Variants in GFI1B observed in about 807,000 individuals in gnomAD.
GFI1B encodes the protein growth factor independent 1B transcriptional repressor, also known as zinc finger protein Gfi-1b.
In GFI1B, 20 loss-of-function variants were observed where a neutral mutation model predicts 35.3. The observed-to-expected ratio is 0.57, with a 90% CI of 0.40 to 0.82. The LOEUF is 0.82. GFI1B is among the 40% of genes least tolerant of loss of function. GFI1B has a pLI of 0.00. For missense variants in GFI1B, 430 were observed against 446.3 expected, an observed-to-expected ratio of 0.96 and a Z score of 0.33; for synonymous variants, 178 against 177.6, an observed-to-expected ratio of 1.00 and a Z score of -0.02.
upstream of GFI1B, among the ~76,000 whole-genome samples, chr9:132,974,596 C>T (rs1434880417): frequency 1.1e-5 from 1 of 88,192 alleles, no homozygotes; most frequent in African/African-American, 5.3e-5. Context: ...AGCCAGAATC[C>T]GTCTCAAAAA....
chr9:132,986,280 C>A (rs942461552), intron 1 of GFI1B, among the ~76,000 whole-genome samples: 1 of 147,822 alleles, frequency 6.8e-6, no homozygotes, highest in African/African-American at 2.7e-5. Flanking sequence ...ATAGAAGCTC[C>A]GAGTTCTGGC....
intron 1 of GFI1B, among the ~76,000 whole-genome samples, chr9:132,979,300 A>C (rs1394080040): frequency 7.5e-6 from 1 of 133,394 alleles, no homozygotes; most frequent in African/African-American, 2.8e-5. Flanking sequence ...TCTGGAGCGC[A>C]GTGGTGCGAT....
At chr9:132,967,528 C>A (rs1848467124) in intron 1 of GFI1B, among the ~76,000 whole-genome samples, 1 of 152,098 alleles carries the variant, frequency 6.6e-6, no homozygotes, top group South Asian at 2.1e-4. Flanking sequence ...GATCCTGATT[C>A]TAAAAGAGGA....
At chr9:132,967,630 A>G (rs1450474805) in intron 1 of GFI1B, among the ~76,000 whole-genome samples, 1 of 152,248 alleles carries the variant, frequency 6.6e-6, no homozygotes, top group Non-Finnish European at 1.5e-5. Flanking sequence ...TTTCTTAGGT[A>G]CGATAATGAC....
At chr9:132,981,149 G>A (rs1433960123) in intron 1 of GFI1B, among the ~76,000 whole-genome samples, 1 of 152,110 alleles carries the variant, frequency 6.6e-6, no homozygotes, top group Non-Finnish European at 1.5e-5. Flanking sequence ...TGCCCACCTC[G>A]GCCTCCCACA....
chr9:132,971,220 G>C (rs890323619), intron 1 of GFI1B, among the ~76,000 whole-genome samples: 1 of 152,180 alleles, frequency 6.6e-6, no homozygotes, highest in African/African-American at 2.4e-5. Flanking sequence ...GGGCCCATGG[G>C]TTTGACACCC....
chr9:132,978,041 C>T (rs1024841858), upstream of GFI1B, among the ~76,000 whole-genome samples: 10 of 141,030 alleles, frequency 7.1e-5, no homozygotes, highest in East Asian at 7.4e-4. Flanking sequence ...GTGGCCGGCT[C>T]GGGTACTAGG....
At position 132,988,188 on chromosome 9, in the gene GFI1B, T is replaced by A. The variant is rs148081644; in HGVS notation, c.239-9T>A. 6,090 of 1,612,854 alleles carry A rather than the reference T, an allele frequency of 3.8e-3. 11 individuals are homozygous for A. Among genetic ancestry groups the A allele is most frequent in the Non-Finnish European group, 4.2e-3 (5,010 of 1,178,880 alleles). On this transcript the variant is annotated splice_polypyrimidine_tract_variant and intron_variant, in intron 3 of 6. Transcript: ENST00000372122. ...ATGAGTAACCAGGCCTGTGTCGTTA[T>A]CTCCACAGAGGGCCCCATTGTGCTG...
At chr9:132,964,533 G>A (rs1006918752) in intron 1 of GFI1B, among the ~76,000 whole-genome samples, 1 of 152,126 alleles carries the variant, frequency 6.6e-6, no homozygotes, top group African/African-American at 2.4e-5. Context: ...TGACGGGCGG[G>A]TTCTCATGCA....
intron 1 of GFI1B, among the ~76,000 whole-genome samples, chr9:132,967,494 C>T (rs1848466744): frequency 6.6e-6 from 1 of 152,164 alleles, no homozygotes; most frequent in Non-Finnish European, 1.5e-5. Flanking sequence ...ATAATACACT[C>T]ATGCAATGCT....
upstream of GFI1B, among the ~76,000 whole-genome samples, chr9:132,974,601 C>CAAAAAAAAAAA (rs11243966): frequency 7.5e-5 from 6 of 79,844 alleles, no homozygotes; most frequent in African/African-American, 3.4e-4. Flanking sequence ...GAATCCGTCT[C>CAAAAAAAAAAA]AAAAAAAAAA....
At chr9:132,977,465 T>G (rs1164167786), upstream of GFI1B, among the ~76,000 whole-genome samples, 1 of 152,192 alleles carries the variant, frequency 6.6e-6, no homozygotes, top group Non-Finnish European at 1.5e-5. Context: ...TTCTTCATTT[T>G]GAACCTTGGA....
chr9:132,986,511 A>T, intron 1 of GFI1B, 148 bp from the exon 2 acceptor site: 1 of 675,364 alleles, frequency 1.5e-6, no homozygotes, highest in Non-Finnish European at 2.7e-6. Flanking sequence ...TAATAAGGTC[A>T]CATTCACAGG....
upstream of GFI1B, among the ~76,000 whole-genome samples, chr9:132,974,544 G>C (rs1848592268): frequency 7.1e-6 from 1 of 141,246 alleles, no homozygotes; most frequent in South Asian, 2.4e-4. Flanking sequence ...GGAGGTTGCA[G>C]TGAGCCGAGA....
chr9:132,947,794 G>C (rs1230954730), intron 1 of GFI1B, among the ~76,000 whole-genome samples: 3 of 138,470 alleles, frequency 2.2e-5, no homozygotes, highest in African/African-American at 5.4e-5. Context: ...GGGTAACAAA[G>C]AGAGACTTGG....
chr9:132,969,503 G>A (rs1255252345), intron 1 of GFI1B, among the ~76,000 whole-genome samples: 3 of 152,184 alleles, frequency 2.0e-5, no homozygotes, highest in Admixed American at 2.0e-4. Flanking sequence ...TCCGTCGTAT[G>A]GACCAACTAC....
intron 1 of GFI1B, among the ~76,000 whole-genome samples, chr9:132,945,974 G>C (rs1250538881): frequency 6.6e-6 from 1 of 152,200 alleles, no homozygotes; most frequent in Non-Finnish European, 1.5e-5. Context: ...GGTGCCTTCA[G>C]AATTCTGAAA....
rs1422945034 is a variant in GFI1B, at chr9:132,988,339, G to A, written c.381G>A (p.Gln127=). The change falls in exon 4 of 7, where the codon CAG becomes CAA. Residue 127 remains glutamine (Q), a synonymous_variant. Coordinates refer to ENST00000372122, the MANE Select transcript of GFI1B (RefSeq NM_001377304.1). The stretch of plus-strand genomic sequence containing the variant: ...ACCGGCAGGCCCCCTCCACCATGCA[G>A]TCAGCCTTCCTGGAGCACTCCGTCA... The part of the protein sequence containing the change: ...HSYRQAPSTM[Q]SAFLEHSVSL... The A allele has an allele frequency of 1.9e-6, 3 of 1,614,064 alleles. No individual in the cohort carries two copies. In the African/African-American group the frequency reaches 4.0e-5, roughly 22 times the overall value.
intron 1 of GFI1B, among the ~76,000 whole-genome samples, chr9:132,963,437 G>A (rs1024224608): frequency 2.6e-5 from 4 of 152,042 alleles, no homozygotes; most frequent in East Asian, 1.9e-4. Context: ...CTAAAATCAC[G>A]CCAGATGCAT....
Sources: gnomAD v4.1 joint callset for allele counts (sites outside exome capture counted in the v4.1 genomes callset) on GRCh38, gnomAD v4.1.1 for gene constraint, MANE v1.5 for transcripts, NCBI Gene and HGNC (gene_info 2026-07-23, HGNC 2026-07-21) for gene names.